LRRC9: variants seen among roughly 807,000 people sequenced by gnomAD.
The protein encoded by LRRC9 is leucine rich repeat containing 9.
LRRC9 carries 122 observed loss-of-function variants against 63.2 expected under a neutral mutation model. The ratio of observed to expected loss-of-function variants is 1.93; its 90% CI spans 1.67 to 2.24. LRRC9 has a LOEUF of 2.24. Ranked by LOEUF, LRRC9 falls within the 30% of genes most tolerant of loss-of-function variation. The pLI is 0.00. For synonymous variants in LRRC9, 366 were observed against 213.1 expected (o/e 1.72, Z -6.25); for missense variants, 1,071 against 627.7 (o/e 1.71, Z -7.55).
At chr14:60,002,450 T>C (rs1889457685) in intron 20 of LRRC9, among the ~76,000 whole-genome samples, 1 of 152,152 alleles carries the variant, frequency 6.6e-6, no homozygotes. Context: ...GCAACCACTA[T>C]TCTACTCTCT....
At chr14:59,929,497 A>G (rs1296644882) in intron 3 of LRRC9, among the ~76,000 whole-genome samples, 1 of 152,088 alleles carries the variant, frequency 6.6e-6, no homozygotes, top group Non-Finnish European at 1.5e-5. Context: ...AATTAGTTCA[A>G]CATTGTGGAG....
At chr14:60,028,055 C>A in exon 28 of LRRC9, 2 of 701,586 alleles carry the variant, frequency 2.9e-6, no homozygotes, top group Non-Finnish European at 5.2e-6. Context: ...AAATTACAAT[C>A]TTTGGTAAAA....
intron 18 of LRRC9, among the ~76,000 whole-genome samples, chr14:59,998,161 A>C (rs1177581359): frequency 2.0e-5 from 3 of 152,044 alleles, no homozygotes; most frequent in African/African-American, 4.8e-5. Context: ...GTGTGCCAGA[A>C]CTCTATTTTA....
intron 17 of LRRC9, among the ~76,000 whole-genome samples, chr14:59,994,241 C>T (rs552562709): frequency 6.6e-6 from 1 of 152,182 alleles, no homozygotes; most frequent in Non-Finnish European, 1.5e-5. Context: ...ATTTATGCAA[C>T]CAAAAGACAC....
intron 17 of LRRC9, among the ~76,000 whole-genome samples, chr14:59,995,714 G>A: frequency 7.7e-6 from 1 of 129,334 alleles, no homozygotes; most frequent in East Asian, 2.2e-4. Context: ...TCAAGGGGTG[G>A]AAGAAGACAG....
Position 59,984,099 on chromosome 14 carries a change from T to C in LRRC9, c.2092-1006T>C, listed in dbSNP as rs533473468. 2.6e-5 allele frequency among the ~76,000 whole-genome samples: 4 copies of C among 152,316 alleles called. No homozygotes were observed. The South Asian group carries it at 6.2e-4, about 24-fold the overall frequency. On this transcript the variant is annotated intron_variant, in intron 16 of 31. Transcript: ENST00000445360. Reference sequence around the variant, plus strand: ...GGAAAGCAGGTGATCAACAGTATGTTAGATAGTGAAGCTCTTTATCAGACA... The same window carrying C: ...GGAAAGCAGGTGATCAACAGTATGTCAGATAGTGAAGCTCTTTATCAGACA...
Position 59,919,928 on chromosome 14 carries a change from G to A in LRRC9, c.-34+45G>A, listed in dbSNP as rs1429187165. ...CAGGTACAGAAAAACCTGCCAGCGA[G>A]AAGCTCCCGCCGTTTCCCAGGAGCC... On this transcript the variant is annotated intron_variant, in intron 1 of 31. Transcript: ENST00000445360. This position sits in a 1 kb window ranked among gnomAD's most constrained non-coding sequence, Gnocchi z 4.5. 4 of 152,252 alleles carry A rather than the reference G, an allele frequency of 2.6e-5. No individual in the cohort carries two copies. Among genetic ancestry groups the A allele is most frequent in the African/African-American group, 9.6e-5 (4 of 41,460 alleles). The allele number at this position is 152,252 out of a possible 1,614,324, so 9.4% of individuals were successfully genotyped here.
Position 59,962,604 on chromosome 14 carries a change from T to C in LRRC9, c.1211+1559T>C, listed in dbSNP as rs1884459648. ...TTTTAGTGGAGACGGGGTTTTGCCA[T>C]GTTGGCCAGGCTGGTCTCAAACTCC... On this transcript the variant is annotated intron_variant, in intron 10 of 31. Transcript: ENST00000445360. The surrounding 1 kb of genome is among the most constrained non-coding windows in gnomAD (Gnocchi z 5.1). Among the ~76,000 whole-genome samples, 1 of 152,186 alleles carries C rather than the reference T, an allele frequency of 6.6e-6. No homozygotes were observed. Among genetic ancestry groups the C allele is most frequent in the Non-Finnish European group, 1.5e-5 (1 of 68,026 alleles).
chr14:59,994,900 T>C (rs1057112660), intron 17 of LRRC9, among the ~76,000 whole-genome samples: 1 of 151,978 alleles, frequency 6.6e-6, no homozygotes. Flanking sequence ...TTTGGAGATA[T>C]ACCTAATGTT....
At chr14:59,957,798 C>T (rs1594871588) in intron 8 of LRRC9, among the ~76,000 whole-genome samples, 1 of 152,106 alleles carries the variant, frequency 6.6e-6, no homozygotes, top group Admixed American at 6.6e-5. Context: ...GGCTGATGAC[C>T]TTTGGATGGG....
chr14:60,028,219 T>C (rs773873771), intron 28 of LRRC9, 118 bp downstream of exon 28: 40 of 587,992 alleles, frequency 6.8e-5, no homozygotes, highest in Non-Finnish European at 1.1e-4. Flanking sequence ...ATCACCTATA[T>C]ACCATCTATA....
At chr14:59,982,686 C>G (rs1489513445) in intron 16 of LRRC9, among the ~76,000 whole-genome samples, 2 of 152,168 alleles carry the variant, frequency 1.3e-5, no homozygotes, top group African/African-American at 4.8e-5. Flanking sequence ...ACCTGCATAT[C>G]TAAACTATTA....
At chr14:59,983,086 T>A (rs936755322) in intron 16 of LRRC9, among the ~76,000 whole-genome samples, 2 of 152,224 alleles carry the variant, frequency 1.3e-5, no homozygotes, top group African/African-American at 4.8e-5. Context: ...CTGCTACCAC[T>A]CTATCCAAAC....
chr14:59,981,681 G>C (rs1886945251), intron 15 of LRRC9, among the ~76,000 whole-genome samples, 167 bp from the exon 16 acceptor site: 1 of 152,090 alleles, frequency 6.6e-6, no homozygotes, highest in Non-Finnish European at 1.5e-5. Flanking sequence ...ACCATGCATA[G>C]CCTACAATTT....
intron 8 of LRRC9, among the ~76,000 whole-genome samples, chr14:59,957,121 G>A (rs1306691989): frequency 2.0e-5 from 3 of 152,070 alleles, no homozygotes; most frequent in East Asian, 1.9e-4. Flanking sequence ...TGCTCTTCTC[G>A]AGGAGTATCT....
chr14:59,967,160 A>C (rs564374810), exon 12 of LRRC9: 39 of 645,540 alleles, frequency 6.0e-5, no homozygotes, highest in Non-Finnish European at 1.1e-4. Flanking sequence ...AGTGAAGAAA[A>C]AGCATCTTCT....
intron 27 of LRRC9, among the ~76,000 whole-genome samples, chr14:60,026,392 T>C (rs906921772): frequency 2.0e-5 from 3 of 152,088 alleles, no homozygotes; most frequent in South Asian, 2.1e-4. Context: ...TGTTGACCAT[T>C]TGTATTTCTT....
intron 29 of LRRC9, among the ~76,000 whole-genome samples, chr14:60,036,138 C>T (rs1374084393): frequency 6.6e-6 from 1 of 152,004 alleles, no homozygotes; most frequent in Non-Finnish European, 1.5e-5. Context: ...GGGTACTGGT[C>T]CCATCACAAG....
chr14:59,985,059 A>G, intron 16 of LRRC9, 46 bp from the exon 17 acceptor site: 1 of 564,366 alleles, frequency 1.8e-6, no homozygotes, highest in Non-Finnish European at 3.2e-6. Flanking sequence ...TTTGATGTAG[A>G]ATGTAACCTG....
Sources: gnomAD v4.1 joint callset for allele counts (sites outside exome capture counted in the v4.1 genomes callset) on GRCh38, gnomAD v4.1.1 for gene constraint, Gnocchi (gnomAD v3.1) non-coding constraint, MANE v1.5 for transcripts, NCBI Gene and HGNC (gene_info 2026-07-23, HGNC 2026-07-21) for gene names.